The following CARMIL1 variants were observed in gnomAD, a reference collection of about 807,000 sequenced individuals.
CARMIL1 encodes the protein capping protein regulator and myosin 1 linker 1, also known as F-actin-uncapping protein LRRC16A.
A neutral mutation model predicts 177.1 loss-of-function variants in CARMIL1; 90 were observed. The observed-to-expected ratio is 0.51, with a 90% CI of 0.43 to 0.61. CARMIL1 has a LOEUF of 0.61. Ranked by LOEUF, CARMIL1 falls within the 20% of genes least tolerant of loss-of-function variation. The pLI, the probability that CARMIL1 is intolerant of heterozygous loss-of-function variation, is 0.00. For missense variants in CARMIL1, 1,380 were observed against 1,667.0 expected (o/e 0.83, Z 3.00); for synonymous variants, 577 against 606.2 (o/e 0.95, Z 0.71).
chr6:25,420,389 A>G (rs1017712697), intron 3 of CARMIL1: 15 of 515,792 alleles, frequency 2.9e-5, no homozygotes, highest in Non-Finnish European at 5.2e-5. Context: ...AAAGGCTGTA[A>G]TGAGAAACAT....
chr6:25,413,951 A>T (rs1005495107), intron 2 of CARMIL1, among the ~76,000 whole-genome samples: 8 of 152,216 alleles, frequency 5.3e-5, no homozygotes, highest in African/African-American at 1.7e-4. Context: ...AACAATTATT[A>T]AAAAATTCAG....
At chr6:25,615,283 G>T (rs1249832142) in intron 36 of CARMIL1, among the ~76,000 whole-genome samples, 1 of 152,150 alleles carries the variant, frequency 6.6e-6, no homozygotes, top group Admixed American at 6.5e-5. Flanking sequence ...AACAAACAGA[G>T]GCTATTGTTC....
intron 2 of CARMIL1, among the ~76,000 whole-genome samples, chr6:25,343,855 C>T (rs1277221853): frequency 2.6e-5 from 4 of 152,148 alleles, no homozygotes; most frequent in Non-Finnish European, 5.9e-5. Flanking sequence ...TCATCTTTCC[C>T]GTACACCATG....
At chr6:25,520,802 C>G (rs1806480338) in intron 23 of CARMIL1, among the ~76,000 whole-genome samples, 1 of 152,192 alleles carries the variant, frequency 6.6e-6, no homozygotes, top group African/African-American at 2.4e-5. Flanking sequence ...TCTGTACTGG[C>G]AAACTCAGAG....
chr6:25,298,158 A>G (rs1581482186), intron 2 of CARMIL1, among the ~76,000 whole-genome samples: 1 of 152,258 alleles, frequency 6.6e-6, no homozygotes, highest in Non-Finnish European at 1.5e-5. Context: ...TGCCTGGCAC[A>G]TAGTAAGTCA....
rs1780916418 is a variant in CARMIL1 at position 25,279,700 on chromosome 6, A to AT, written c.-95dup. On this transcript the variant is annotated 5_prime_UTR_variant, in exon 1 of 37. Coordinates refer to ENST00000329474, the MANE Select transcript of CARMIL1 (RefSeq NM_017640.6). ...TTGCCCACTTCCATTTGCAAGCTGC[A>AT]TCTGCCTCTCTAAAAAAATTGAGGA... 1.7e-6 allele frequency: 2 copies of AT among 1,170,882 alleles called. No homozygotes were observed. The highest frequency in any genetic ancestry group is 2.6e-6 in the Non-Finnish European group (2 of 776,578). 72.5% of individuals were successfully genotyped at this position (1,170,882 alleles called of 1,614,324 possible).
At chr6:25,413,818 T>C (rs1044256265) in intron 2 of CARMIL1, among the ~76,000 whole-genome samples, 2 of 152,206 alleles carry the variant, frequency 1.3e-5, no homozygotes, top group African/African-American at 4.8e-5. Flanking sequence ...CCCTAATTTT[T>C]TTTTTAACTT....
intron 2 of CARMIL1, among the ~76,000 whole-genome samples, chr6:25,343,136 G>T (rs1414333253): frequency 6.6e-6 from 1 of 152,180 alleles, no homozygotes; most frequent in Non-Finnish European, 1.5e-5. Flanking sequence ...CCAGTGACCA[G>T]TGCATCACTC....
intron 2 of CARMIL1, among the ~76,000 whole-genome samples, chr6:25,413,126 C>A (rs1316858766): frequency 6.7e-6 from 1 of 148,800 alleles, no homozygotes; most frequent in Non-Finnish European, 1.5e-5. Context: ...TAATGTGCCT[C>A]ACCACCTGCC....
At chr6:25,443,055 A>G (rs896307999) in intron 5 of CARMIL1, among the ~76,000 whole-genome samples, 1 of 152,180 alleles carries the variant, frequency 6.6e-6, no homozygotes, top group Non-Finnish European at 1.5e-5. Flanking sequence ...CCCCCTATGT[A>G]TCATCAAAAG....
intron 2 of CARMIL1, among the ~76,000 whole-genome samples, chr6:25,391,481 A>C (rs1208440372): frequency 6.6e-6 from 1 of 152,280 alleles, no homozygotes; most frequent in East Asian, 1.9e-4. Flanking sequence ...TCCTTCTGTC[A>C]CAGTTGTCTA....
chr6:25,459,210 T>TTTCTTTCTTTCTTTCTTTCTTTCTTTC (rs1799794292), intron 8 of CARMIL1, among the ~76,000 whole-genome samples: 1 of 80,136 alleles, frequency 1.2e-5, no homozygotes. Context: ...GATCCCAACT[T>TTTCTTTCTTTCTTTCTTTCTTTCTTTC]TTTCTTTCTT....
chr6:25,551,604 A>G (rs1259614581), intron 27 of CARMIL1, among the ~76,000 whole-genome samples: 1 of 152,166 alleles, frequency 6.6e-6, no homozygotes. Flanking sequence ...AAAGTTTGAA[A>G]AATATGACAA....
At position 25,279,381 on chromosome 6, in the gene CARMIL1, C is replaced by G. The variant is rs1329098946; in HGVS notation, c.-415C>G. 7.0e-6 allele frequency: 2 copies of G among 286,272 alleles called. No homozygotes were observed. The highest frequency in any genetic ancestry group is 6.8e-5 in the South Asian group (2 of 29,308). 17.7% of individuals were successfully genotyped at this position (286,272 alleles called of 1,614,324 possible). A position where few individuals can be genotyped will look rare whatever the true frequency, so the allele number is the denominator to read the frequency against. On this transcript the variant is annotated 5_prime_UTR_variant, in exon 1 of 37. Transcript: ENST00000329474. ...CCCCGCGCCGCTCTCCCCGCCCTCTCCCACGCCTTCCGCTTTCACCTAGGG... is the reference window on the plus strand; with the variant it reads ...CCCCGCGCCGCTCTCCCCGCCCTCTGCCACGCCTTCCGCTTTCACCTAGGG...
chr6:25,407,068 G>A (rs1402479909), intron 2 of CARMIL1, among the ~76,000 whole-genome samples: 1 of 152,126 alleles, frequency 6.6e-6, no homozygotes, highest in East Asian at 1.9e-4. Flanking sequence ...TTTAGCAGCC[G>A]TGAGGTTGGA....
chr6:25,378,446 A>G (rs1465776417), intron 2 of CARMIL1, among the ~76,000 whole-genome samples: 1 of 152,152 alleles, frequency 6.6e-6, no homozygotes, highest in East Asian at 1.9e-4. Context: ...TCCCACTCAT[A>G]TCGTGAATCT....
At chr6:25,303,357 A>G (rs1783018515) in intron 2 of CARMIL1, among the ~76,000 whole-genome samples, 1 of 152,210 alleles carries the variant, frequency 6.6e-6, no homozygotes, top group African/African-American at 2.4e-5. Flanking sequence ...AACCCTTTTT[A>G]GCATACAGAT....
At chr6:25,530,689 TG>T (rs1807672127) in intron 24 of CARMIL1, among the ~76,000 whole-genome samples, 1 of 151,966 alleles carries the variant, frequency 6.6e-6, no homozygotes, top group Non-Finnish European at 1.5e-5. Context: ...ATATTCCTTA[TG>T]AAAAAAAAGT....
chr6:25,619,567 A>T lies in CARMIL1; in HGVS notation c.4100A>T (p.Glu1367Val), dbSNP rs762114686. The change falls in exon 37 of 37, where the codon GAG (glutamate) becomes GTG (valine). Residue 1367 changes from glutamate to valine, a missense_variant. Physicochemically the swap from Glu to Val is moderately radical, Grantham distance 121 (BLOSUM62 -2). Coordinates refer to ENST00000329474, the MANE Select transcript of CARMIL1 (RefSeq NM_017640.6). ...SNDSGEEAEK[E>V]FIFV ...GACTCCGGGGAAGAAGCAGAAAAAG[A>T]GTTTATTTTTGTGTAAAGGTCACCC... 6.2e-7 allele frequency: 1 copy of T among 1,613,674 alleles called. No homozygotes were observed. Among genetic ancestry groups the T allele is most frequent in the Middle Eastern group, 1.7e-4 (1 of 6,058 alleles).
Sources: allele counts gnomAD v4.1 joint callset (sites outside exome capture counted in the v4.1 genomes callset), GRCh38; gene constraint gnomAD v4.1.1; transcripts MANE v1.5; gene names NCBI Gene and HGNC (gene_info 2026-07-23, HGNC 2026-07-21).